The following TENM3 variants were observed in gnomAD, a reference collection of about 807,000 sequenced individuals.
TENM3 encodes teneurin-3.
A neutral mutation model predicts 255.1 loss-of-function variants in TENM3; 63 were observed. The ratio of observed to expected loss-of-function variants is 0.25; its 90% CI spans 0.20 to 0.30. The LOEUF is 0.30. TENM3 is among the 10% of genes least tolerant of loss of function. The pLI is 1.00. For missense variants in TENM3, 2,929 were observed against 3,461.1 expected (o/e 0.85, Z 3.86); for synonymous variants, 1,306 against 1,322.3 (o/e 0.99, Z 0.27).
intron 3 of TENM3, among the ~76,000 whole-genome samples, chr4:182,490,622 C>T (rs1048259684): frequency 6.6e-6 from 1 of 152,140 alleles, no homozygotes; most frequent in Admixed American, 6.5e-5. Flanking sequence ...CAAAGTGTTG[C>T]ATGACGTAAA....
chr4:181,468,170 C>T, the TENM3 span, among the ~76,000 whole-genome samples: 1 of 151,038 alleles, frequency 6.6e-6, no homozygotes, highest in Non-Finnish European at 1.5e-5. Flanking sequence ...CGCATGCCTG[C>T]GGTTCCAGCT....
chr4:181,630,997 C>T, the TENM3 span, among the ~76,000 whole-genome samples: 1 of 152,130 alleles, frequency 6.6e-6, no homozygotes, highest in African/African-American at 2.4e-5. Context: ...GATTCCTGAG[C>T]ATAAGTGAGC....
At chr4:182,068,460 C>T in the TENM3 span, among the ~76,000 whole-genome samples, 1 of 150,930 alleles carries the variant, frequency 6.6e-6, no homozygotes, top group Non-Finnish European at 1.5e-5. Flanking sequence ...TACATTGCTA[C>T]TACTAAGCAA....
intron 1 of TENM3, among the ~76,000 whole-genome samples, chr4:182,302,992 G>T (rs1761934499): frequency 6.6e-6 from 1 of 152,008 alleles, no homozygotes; most frequent in Non-Finnish European, 1.5e-5. Flanking sequence ...ATCAGTCATC[G>T]AAGTGGAAAT....
At chr4:182,410,843 G>A (rs1461357610) in intron 3 of TENM3, among the ~76,000 whole-genome samples, 1 of 152,006 alleles carries the variant, frequency 6.6e-6, no homozygotes, top group African/African-American at 2.4e-5. Context: ...AGTGAGAGCT[G>A]GAAAAAAATG....
chr4:181,888,854 TCAGA>T, the TENM3 span, among the ~76,000 whole-genome samples: 1 of 151,468 alleles, frequency 6.6e-6, no homozygotes, highest in Non-Finnish European at 1.5e-5. Context: ...GTGTTCCAGC[TCAGA>T]CAGAAGAAAA....
intron 3 of TENM3, 63 bp from the exon 4 acceptor site, chr4:182,600,861 G>GTA: frequency 2.6e-6 from 2 of 773,410 alleles, no homozygotes; most frequent in Non-Finnish European, 3.7e-6. Flanking sequence ...TTGGTAGTGT[G>GTA]TATATACATA....
At chr4:181,730,077 C>T in the TENM3 span, among the ~76,000 whole-genome samples, 11 of 152,046 alleles carry the variant, frequency 7.2e-5, no homozygotes, top group African/African-American at 2.2e-4. Context: ...TTTTATGCCT[C>T]GCAGGGCTCG....
At chr4:181,573,586 A>T in the TENM3 span, among the ~76,000 whole-genome samples, 821 of 152,300 alleles carry the variant, frequency 5.4e-3, 7 homozygotes, top group African/African-American at 0.019. Flanking sequence ...GAAAACGAAT[A>T]TTTAAGGAAC....
the TENM3 span, among the ~76,000 whole-genome samples, chr4:182,137,084 G>C: frequency 6.6e-6 from 1 of 152,114 alleles, no homozygotes; most frequent in Non-Finnish European, 1.5e-5. Flanking sequence ...GTTCATGGAA[G>C]CATGGCTAAT....
intron 1 of TENM3, among the ~76,000 whole-genome samples, chr4:182,172,035 A>G (rs1209336543): frequency 1.3e-5 from 2 of 152,154 alleles, no homozygotes; most frequent in African/African-American, 4.8e-5. Flanking sequence ...GATATAAAAT[A>G]TTCATGAGCT....
chr4:182,115,763 A>G, the TENM3 span, among the ~76,000 whole-genome samples: 1 of 152,174 alleles, frequency 6.6e-6, no homozygotes, highest in Non-Finnish European at 1.5e-5. Flanking sequence ...TCTGGTCCGT[A>G]CTATCCATAT....
the TENM3 span, among the ~76,000 whole-genome samples, chr4:181,968,992 C>CTCTA: frequency 8.1e-4 from 94 of 116,096 alleles, no homozygotes; most frequent in African/African-American, 2.2e-3. Flanking sequence ...CTCTCTCTCT[C>CTCTA]TATATACATA....
At position 182,802,884 on chromosome 4, in the gene TENM3, T is replaced by G. The variant is rs768692186; in HGVS notation, c.*2533T>G. ...GGCAAAGCCAGTCAAAATGCTTTCA[T>G]GATATTTTGAGATGTAAATTTTGTC... On this transcript the variant is annotated 3_prime_UTR_variant, in exon 28 of 28. Transcript: ENST00000511685. 2.0e-5 allele frequency: 3 copies of G among 152,664 alleles called. No homozygotes were observed. The highest frequency in any genetic ancestry group is 4.4e-5 in the Non-Finnish European group (3 of 68,042). 9.5% of individuals were successfully genotyped at this position (152,664 alleles called of 1,614,324 possible).
At chr4:181,837,817 A>G in the TENM3 span, among the ~76,000 whole-genome samples, 4 of 152,174 alleles carry the variant, frequency 2.6e-5, no homozygotes, top group African/African-American at 7.2e-5. Flanking sequence ...AAAGTCTACC[A>G]TGTGGCCAGG....
intron 1 of TENM3, among the ~76,000 whole-genome samples, chr4:182,147,637 G>A (rs760944647): frequency 6.6e-6 from 1 of 152,028 alleles, no homozygotes; most frequent in Non-Finnish European, 1.5e-5. Flanking sequence ...CCTGTGTTTC[G>A]TTTGATAGTC....
Position 182,732,011 on chromosome 4 carries a change from G to C in TENM3, c.2967+872G>C, listed in dbSNP as rs368026391. On this transcript the variant is annotated intron_variant, in intron 16 of 27. Transcript: ENST00000511685. ...TTGGCCAGGATGGTCTCCATCTCCTGACCTCGTGATCCGCCCACCTTGACC... is the reference window on the plus strand; with the variant it reads ...TTGGCCAGGATGGTCTCCATCTCCTCACCTCGTGATCCGCCCACCTTGACC... Among the ~76,000 whole-genome samples, 10 of 151,950 alleles carry C rather than the reference G, an allele frequency of 6.6e-5. No homozygotes were observed. In the East Asian group the frequency reaches 9.7e-4, roughly 15 times the overall value.
the TENM3 span, among the ~76,000 whole-genome samples, chr4:181,968,219 T>C: frequency 1.3e-3 from 203 of 152,300 alleles, no homozygotes; most frequent in African/African-American, 4.8e-3. Flanking sequence ...AGGAGACCTC[T>C]CCTGAACTAA....
chr4:181,649,833 A>G, the TENM3 span, among the ~76,000 whole-genome samples: 3 of 152,300 alleles, frequency 2.0e-5, no homozygotes, highest in Middle Eastern at 3.4e-3. Flanking sequence ...GTCTCTGTGA[A>G]GTAGAGCTGT....
Sources: allele counts gnomAD v4.1 joint callset (sites outside exome capture counted in the v4.1 genomes callset), GRCh38; gene constraint gnomAD v4.1.1; transcripts MANE v1.5; gene names NCBI Gene and HGNC (gene_info 2026-07-23, HGNC 2026-07-21).